TNRC18: variants seen among roughly 807,000 people sequenced by gnomAD.
TNRC18 encodes the protein trinucleotide repeat-containing gene 18 protein.
A neutral mutation model predicts 226.7 loss-of-function variants in TNRC18; 69 were observed. The ratio of observed to expected loss-of-function variants is 0.30; its 90% CI spans 0.25 to 0.37. TNRC18 has a LOEUF of 0.37. TNRC18 is among the 10% of genes least tolerant of loss of function. The probability of loss-of-function intolerance (pLI) is 1.00; values close to 1 mark genes in which losing one functional copy is unlikely to be tolerated. For synonymous variants in TNRC18, 2,449 were observed against 1,927.6 expected, an observed-to-expected ratio of 1.27 and a Z score of -7.09; for missense variants, 4,754 against 4,256.6, an observed-to-expected ratio of 1.12 and a Z score of -3.25.
At chr7:5,342,813 C>T (rs1204140618) in intron 18 of TNRC18, among the ~76,000 whole-genome samples, 1 of 152,170 alleles carries the variant, frequency 6.6e-6, no homozygotes, top group Non-Finnish European at 1.5e-5. Context: ...CACAGTATTG[C>T]ATGTTACAGA....
chr7:5,400,134 C>A (rs924265319), intron 2 of TNRC18, among the ~76,000 whole-genome samples: 1 of 152,044 alleles, frequency 6.6e-6, no homozygotes, highest in Admixed American at 6.6e-5. Context: ...TGGGCTCAAG[C>A]GATCCTCCCA....
intron 18 of TNRC18, 131 bp downstream of exon 18, chr7:5,345,431 G>A (rs1323507419): frequency 1.6e-5 from 15 of 914,332 alleles, no homozygotes; most frequent in East Asian, 8.0e-5. Context: ...GCTGGCCCAC[G>A]AGGCTGGGGT....
chr7:5,399,112 C>G (rs1343082514), intron 2 of TNRC18, among the ~76,000 whole-genome samples: 4 of 152,166 alleles, frequency 2.6e-5, no homozygotes, highest in African/African-American at 4.8e-5. Flanking sequence ...CCCACAGTGC[C>G]CCCCTGCCCC....
chr7:5,312,986 G>T lies in TNRC18; in HGVS notation c.7905C>A (p.Ser2635=). Residue 2635 remains serine, a synonymous_variant, in exon 27 of 30, where the codon TCC becomes TCA. Coordinates refer to ENST00000430969, the MANE Select transcript of TNRC18 (RefSeq NM_001080495.3). This position sits in a 1 kb window ranked among gnomAD's most constrained non-coding sequence, Gnocchi z 6.3. ...SSSSSSSSSS[S]SSSSSSSSSS... is the part of the protein sequence containing the mutation. ...AGGAAGAGGAGGAGGAGGAAGAGGA[G>T]GAGGAGGAAGAGGAGGATGAGGAGG... 1 of 1,068,050 alleles carries T rather than the reference G, an allele frequency of 9.4e-7. No individual in the cohort carries two copies. The highest frequency in any genetic ancestry group is 1.4e-6 in the Non-Finnish European group (1 of 733,768). 66.2% of individuals were successfully genotyped at this position (1,068,050 alleles called of 1,614,324 possible).
chr7:5,336,593 T>C (rs117841300), intron 18 of TNRC18, among the ~76,000 whole-genome samples: 2,375 of 152,010 alleles, frequency 0.016, 73 homozygotes, highest in Admixed American at 0.074. Flanking sequence ...AATACAATAA[T>C]TAGCCAGTCA....
chr7:5,339,715 G>A (rs1346278559), intron 18 of TNRC18, among the ~76,000 whole-genome samples: 4 of 151,736 alleles, frequency 2.6e-5, no homozygotes, highest in South Asian at 2.1e-4. Flanking sequence ...GATTACAGGC[G>A]CCCGCCACCA....
chr7:5,351,589 G>A (rs1791820448), intron 17 of TNRC18, among the ~76,000 whole-genome samples: 1 of 152,186 alleles, frequency 6.6e-6, no homozygotes, highest in Non-Finnish European at 1.5e-5. Context: ...GAGCCAGCCG[G>A]GGATATTATC....
chr7:5,407,891 A>ACAT (rs1781584034), intron 2 of TNRC18, among the ~76,000 whole-genome samples: 1 of 152,216 alleles, frequency 6.6e-6, no homozygotes, highest in African/African-American at 2.4e-5. Context: ...AAGCTAGAAG[A>ACAT]CATCAGATGC....
In TNRC18 at chr7:5,389,189, C is replaced by A; in HGVS notation, c.635G>T (p.Arg212Leu). Residue 212 changes from arginine to leucine, a missense_variant, in exon 5 of 30, where the codon CGC becomes CTC. Transcript: ENST00000430969. The part of the protein sequence containing the change: ...RDGPAKERAG[R>L]GGEPPPLFGK... ...GAAAAGCGGAGGCGGCTCCCCGCCG[C>A]GGCCCGCCCGCTCCTTGGCTGGACC... The A allele has an allele frequency of 7.6e-7, 1 of 1,319,000 alleles. No homozygotes were observed. The highest frequency in any genetic ancestry group is 1.6e-5 in the African/African-American group (1 of 63,752). 81.7% of individuals were successfully genotyped at this position (1,319,000 alleles called of 1,614,324 possible).
chr7:5,420,236 G>A (rs991052183), intron 2 of TNRC18: 3 of 365,142 alleles, frequency 8.2e-6, no homozygotes, highest in South Asian at 2.0e-5. Flanking sequence ...GAGGCCGCGG[G>A]ACCTTCTCGG....
intron 17 of TNRC18, among the ~76,000 whole-genome samples, chr7:5,346,515 A>G (rs1194837524): frequency 6.6e-6 from 1 of 152,110 alleles, no homozygotes; most frequent in Non-Finnish European, 1.5e-5. Context: ...AAAATAAAAT[A>G]AAGTTGACCC....
At chr7:5,342,568 T>C (rs1037292857) in intron 18 of TNRC18, among the ~76,000 whole-genome samples, 3 of 152,122 alleles carry the variant, frequency 2.0e-5, no homozygotes, top group Non-Finnish European at 4.4e-5. Context: ...AGCCTGGAGA[T>C]GGGACTGAAT....
intron 5 of TNRC18, among the ~76,000 whole-genome samples, chr7:5,379,742 G>T (rs1002028404): frequency 1.3e-5 from 2 of 152,232 alleles, no homozygotes. Context: ...TGAGCCCCAC[G>T]GCAGAGGCTA....
At chr7:5,356,074 G>A (rs992796235) in intron 16 of TNRC18, among the ~76,000 whole-genome samples, 4 of 151,252 alleles carry the variant, frequency 2.6e-5, no homozygotes, top group African/African-American at 4.9e-5. Flanking sequence ...AGAGCCAAGG[G>A]AATCGCTTGA....
At chr7:5,345,517 G>GGGGGGGGGGGCCCCCCCCCCACCCCCCC in intron 18 of TNRC18, 45 bp downstream of exon 18, 1 of 377,744 alleles carries the variant, frequency 2.6e-6, no homozygotes, top group Non-Finnish European at 4.8e-6. Context: ...AATGGCGTCC[G>GGGGGGGGGGGCCCCCCCCCCACCCCCCC]CCCCTCCCAC....
chr7:5,389,574 C>A (rs1254960615), intron 4 of TNRC18: 3 of 338,062 alleles, frequency 8.9e-6, no homozygotes, highest in Non-Finnish European at 1.5e-5. Context: ...CCTGCCTCAG[C>A]CTCTCCGGTA....
chr7:5,313,495 G>A lies in TNRC18; in HGVS notation c.7396C>T (p.His2466Tyr). Residue 2466 changes from histidine (H) to tyrosine (Y), a missense_variant, in exon 27 of 30, where the codon CAC (histidine) becomes TAC (tyrosine). Physicochemically the swap from His to Tyr is moderately conservative, Grantham distance 83 (BLOSUM62 2). Coordinates refer to ENST00000430969, the MANE Select transcript of TNRC18 (RefSeq NM_001080495.3). Reference protein sequence around the residue: ...EEAELLVKLDHEGVTSPKSKK... With the variant: ...EEAELLVKLDYEGVTSPKSKK... Reference sequence around the variant, plus strand: ...CTTTTGGGTGACGTGACACCCTCGTGGTCCAGTTTGACAAGCAGCTCGGCC... The same window carrying A: ...CTTTTGGGTGACGTGACACCCTCGTAGTCCAGTTTGACAAGCAGCTCGGCC... 6.2e-7 allele frequency: 1 copy of A among 1,613,298 alleles called. No individual in the cohort carries two copies. Among genetic ancestry groups the A allele is most frequent in the Non-Finnish European group, 8.5e-7 (1 of 1,179,540 alleles).
intron 19 of TNRC18, chr7:5,325,573 GCCA>G (rs1788831754): frequency 1.3e-5 from 4 of 298,528 alleles, no homozygotes; most frequent in South Asian, 3.3e-5. Context: ...ACAGGCACCC[GCCA>G]CCACACCTGG....
rs923811672 is a variant in TNRC18 at position 5,307,255 on chromosome 7, A to ATATATATATT, written c.*841_*850dup. The ATATATATATT allele has an allele frequency of 1.3e-5, 2 of 148,820 alleles. No homozygotes were observed. The highest frequency in any genetic ancestry group is 2.1e-4 in the South Asian group (1 of 4,778). The allele number at this position is 148,820 out of a possible 1,614,324, so 9.2% of individuals were successfully genotyped here. A position where few individuals can be genotyped will look rare whatever the true frequency, so the allele number is the denominator to read the frequency against. On this transcript the variant is annotated 3_prime_UTR_variant, in exon 30 of 30. Coordinates refer to ENST00000430969, the MANE Select transcript of TNRC18 (RefSeq NM_001080495.3). ...TATTTTTCACAGTTTTAAAAAGTTT[A>ATATATATATT]TATATATATTTATATATATTTATCT...
Sources: allele counts gnomAD v4.1 joint callset (sites outside exome capture counted in the v4.1 genomes callset), GRCh38; gene constraint gnomAD v4.1.1; non-coding constraint Gnocchi (gnomAD v3.1); transcripts MANE v1.5; gene names NCBI Gene and HGNC (gene_info 2026-07-23, HGNC 2026-07-21).